The following FAM78B variants were observed in gnomAD, a reference collection of about 807,000 sequenced individuals.
The protein encoded by FAM78B is family with sequence similarity 78 member B, also known as protein FAM78B.
In FAM78B, 10 loss-of-function variants were observed where a neutral mutation model predicts 20.0. The ratio of observed to expected loss-of-function variants is 0.50; its 90% CI spans 0.31 to 0.85. The LOEUF is 0.85. FAM78B is among the 40% of genes least tolerant of loss of function. The pLI, the probability that FAM78B is intolerant of heterozygous loss-of-function variation, is 0.05. For missense variants in FAM78B, 283 were observed against 345.0 expected, an observed-to-expected ratio of 0.82 and a Z score of 1.42; for synonymous variants, 135 against 132.8, an observed-to-expected ratio of 1.02 and a Z score of -0.12.
exon 3 of FAM78B, chr1:166,058,574 G>C (rs1016910691): frequency 3.3e-5 from 5 of 151,494 alleles, no homozygotes. Flanking sequence ...TACATTCTAT[G>C]TATATACCTG....
At chr1:166,140,657 G>C (rs1655244088) in intron 1 of FAM78B, among the ~76,000 whole-genome samples, 1 of 152,206 alleles carries the variant, frequency 6.6e-6, no homozygotes, top group African/African-American at 2.4e-5. Flanking sequence ...TACTGCAAAT[G>C]GTGGGATAAG....
At chr1:166,154,203 G>A (rs1234266346) in intron 1 of FAM78B, among the ~76,000 whole-genome samples, 4 of 152,170 alleles carry the variant, frequency 2.6e-5, no homozygotes, top group African/African-American at 9.6e-5. Flanking sequence ...GAGCTGCCAG[G>A]GGCTAGGAAG....
In FAM78B at chr1:166,069,323, T is replaced by C. The variant is rs1651922007; in HGVS notation, c.*918A>G. 6.6e-6 allele frequency among the ~76,000 whole-genome samples: 1 copy of C among 152,192 alleles called. No homozygotes were observed. Among genetic ancestry groups the C allele is most frequent in the South Asian group, 2.1e-4 (1 of 4,834 alleles). ...ACAGAATGAAAATGCTGTTCTTATT[T>C]GCTGAAATGTTCTTGAACCTTACAT... On this transcript the variant is annotated 3_prime_UTR_variant, in exon 2 of 2. Coordinates refer to ENST00000354422, the MANE Select transcript of FAM78B (RefSeq NM_001017961.5).
At chr1:166,080,561 C>CGTTAACTTT (rs1352267665) in intron 1 of FAM78B, among the ~76,000 whole-genome samples, 1 of 152,200 alleles carries the variant, frequency 6.6e-6, no homozygotes, top group East Asian at 1.9e-4. Context: ...CTGACTGCTG[C>CGTTAACTTT]GTTAACTTTA....
rs1485110257 is a variant in FAM78B, at chr1:166,166,134, G to C, written c.115C>G (p.Pro39Ala). Reference sequence around the variant, plus strand: ...GGGGTCTTGTAGCGCAGGACGATGGGCGAGGTCTCCTCGATGCGCGTGGGG... The same window carrying C: ...GGGGTCTTGTAGCGCAGGACGATGGCCGAGGTCTCCTCGATGCGCGTGGGG... ...QCPTRIEETS[P>A]IVLRYKTPYF... The change falls in exon 1 of 2, where the codon CCC becomes GCC. Residue 39 changes from proline (P) to alanine (A), a missense_variant. Coordinates refer to ENST00000354422, the MANE Select transcript of FAM78B (RefSeq NM_001017961.5). The C allele has an allele frequency of 1.2e-6, 2 of 1,609,490 alleles. No individual in the cohort carries two copies. The highest frequency in any genetic ancestry group is 2.2e-5 in the East Asian group (1 of 44,560).
chr1:166,096,830 A>G (rs1647667024), intron 1 of FAM78B, among the ~76,000 whole-genome samples: 1 of 152,218 alleles, frequency 6.6e-6, no homozygotes, highest in African/African-American at 2.4e-5. Flanking sequence ...CTTCAAAAGA[A>G]AAAGAATGGG....
At chr1:166,132,999 T>C (rs1377711754) in intron 1 of FAM78B, among the ~76,000 whole-genome samples, 1 of 152,200 alleles carries the variant, frequency 6.6e-6, no homozygotes, top group Admixed American at 6.5e-5. Context: ...TCTAAGGTTA[T>C]CAGCAGCACT....
chr1:166,106,113 ACCAAACACCGTATGTTCTCACTCACAGGT>A, intron 1 of FAM78B, among the ~76,000 whole-genome samples: 1 of 150,830 alleles, frequency 6.6e-6, no homozygotes, highest in East Asian at 2.0e-4. Flanking sequence ...AGGACGAAAA[ACCAAACACCGTATGTTCTCACTCACAGGT>A]GGGAATTGAA....
At chr1:166,085,880 A>G (rs1345877546) in intron 1 of FAM78B, among the ~76,000 whole-genome samples, 1 of 152,224 alleles carries the variant, frequency 6.6e-6, no homozygotes, top group Non-Finnish European at 1.5e-5. Flanking sequence ...GAACAAGGCC[A>G]GGAGAGTCAC....
chr1:166,153,297 T>G (rs942528261), intron 1 of FAM78B, among the ~76,000 whole-genome samples: 1 of 152,084 alleles, frequency 6.6e-6, no homozygotes. Flanking sequence ...AGTGGGGGGA[T>G]CCAGGGGTCT....
chr1:166,089,102 G>A lies in FAM78B; in HGVS notation c.264-18339C>T, dbSNP rs1158150556. Among the ~76,000 whole-genome samples, 3 of 152,166 alleles carry A rather than the reference G, an allele frequency of 2.0e-5. No individual in the cohort carries two copies. The East Asian group carries it at 5.8e-4, about 29-fold the overall frequency. On this transcript the variant is annotated intron_variant, in intron 1 of 1. Transcript: ENST00000354422. ...TTTCCCACTGCTCCCTTGGGCAACT[G>A]AGTAATCCTTAGGTCTAAACCCAAG...
chr1:166,060,790 T>A (rs1651563293), intron 2 of FAM78B: 4 of 452,352 alleles, frequency 8.8e-6, no homozygotes, highest in Non-Finnish European at 7.0e-6. Flanking sequence ...GAGATGACCC[T>A]GAAATTTTAC....
chr1:166,063,025 A>T (rs1157148406), intron 2 of FAM78B, among the ~76,000 whole-genome samples: 1 of 152,102 alleles, frequency 6.6e-6, no homozygotes, highest in East Asian at 1.9e-4. Context: ...TTCCCTGTCA[A>T]CCTCACCCAT....
chr1:166,153,994 A>G (rs1396550486), intron 1 of FAM78B, among the ~76,000 whole-genome samples: 1 of 152,136 alleles, frequency 6.6e-6, no homozygotes, highest in Non-Finnish European at 1.5e-5. Context: ...AAAACAAAAC[A>G]ATGACAAAAG....
At chr1:166,151,737 C>G (rs999703198) in intron 1 of FAM78B, among the ~76,000 whole-genome samples, 2 of 152,188 alleles carry the variant, frequency 1.3e-5, no homozygotes, top group Non-Finnish European at 1.5e-5. Context: ...TTCAACCATT[C>G]GGCTAAAGAG....
At chr1:166,110,586 AAC>A (rs1325869318) in intron 1 of FAM78B, among the ~76,000 whole-genome samples, 1 of 152,190 alleles carries the variant, frequency 6.6e-6, no homozygotes, top group Non-Finnish European at 1.5e-5. Flanking sequence ...CTGTCACAGA[AAC>A]AGTGACTATA....
At position 166,084,176 on chromosome 1, in the gene FAM78B, C is replaced by G. The variant is rs1412578582; in HGVS notation, c.264-13413G>C. Among the ~76,000 whole-genome samples, 4 of 148,304 alleles carry G rather than the reference C, an allele frequency of 2.7e-5. No individual in the cohort carries two copies. In the South Asian group the frequency reaches 6.6e-4, roughly 24 times the overall value. ...ACTTTGTTCTTAACATTGTGTTAGACTTTGTGGATAACACAGAGGATGTAG... is the reference window on the plus strand; with the variant it reads ...ACTTTGTTCTTAACATTGTGTTAGAGTTTGTGGATAACACAGAGGATGTAG... On this transcript the variant is annotated intron_variant, in intron 1 of 1. Transcript: ENST00000354422.
chr1:166,086,628 A>T (rs1055987943), intron 1 of FAM78B, among the ~76,000 whole-genome samples: 3 of 152,228 alleles, frequency 2.0e-5, no homozygotes, highest in Non-Finnish European at 4.4e-5. Context: ...TGTTCTTTGC[A>T]TGCCACATTT....
intron 1 of FAM78B, among the ~76,000 whole-genome samples, chr1:166,153,877 G>C (rs79681427): frequency 0.027 from 4,062 of 152,206 alleles, 230 homozygotes; most frequent in Admixed American, 0.13. Flanking sequence ...AAGCAAAATG[G>C]GGTGTTGCCT....
Sources: allele counts gnomAD v4.1 joint callset (sites outside exome capture counted in the v4.1 genomes callset), GRCh38; gene constraint gnomAD v4.1.1; transcripts MANE v1.5; gene names NCBI Gene and HGNC (gene_info 2026-07-23, HGNC 2026-07-21).